ADGRA2: variants seen among roughly 807,000 people sequenced by gnomAD.
ADGRA2 encodes the protein adhesion G protein-coupled receptor A2, also known as G-protein coupled receptor 124.
A neutral mutation model predicts 98.7 loss-of-function variants in ADGRA2; 61 were observed. The observed-to-expected ratio is 0.62, with a 90% CI of 0.50 to 0.76. ADGRA2 has a LOEUF of 0.76. Ranked by LOEUF, ADGRA2 falls within the 30% of genes least tolerant of loss-of-function variation. ADGRA2 has a pLI of 0.00. For missense variants in ADGRA2, 1,712 were observed against 1,860.0 expected (o/e 0.92, Z 1.46); for synonymous variants, 858 against 831.5 (o/e 1.03, Z -0.55).
rs1330540586 is a variant in ADGRA2, at chr8:37,815,597, A to C, written c.338+630A>C. Among the ~76,000 whole-genome samples the C allele has an allele frequency of 2.0e-5, 3 of 152,252 alleles. No homozygotes were observed. In the East Asian group the frequency reaches 5.8e-4, roughly 29 times the overall value. ...GCATCTGGTGGGGCCAGTGTGGGGA[A>C]GAGGGTTATCGAGGAGGAGCTGGTG... On this transcript the variant is annotated intron_variant, in intron 2 of 18. Transcript: ENST00000412232.
At chr8:37,808,795 C>A (rs1255829141) in intron 1 of ADGRA2, among the ~76,000 whole-genome samples, 1 of 152,028 alleles carries the variant, frequency 6.6e-6, no homozygotes, top group African/African-American at 2.4e-5. Context: ...TCTAGAAAAA[C>A]TTTTTTCTTT....
chr8:37,837,838 G>A lies in ADGRA2; in HGVS notation c.2158G>A (p.Glu720Lys). 1 of 1,527,576 alleles carries A rather than the reference G, an allele frequency of 6.5e-7. No homozygotes were observed. The highest frequency in any genetic ancestry group is 2.0e-5 in the Admixed American group (1 of 49,014). 94.6% of individuals were successfully genotyped at this position (1,527,576 alleles called of 1,614,324 possible). ...AAWWSQEGPG[E>K]AGGWTSEGCQ... ...TTGGTGGAGCCAGGAGGGGCCCGGG[G>A]AGGCTGGGGGCTGGACCTCGGAGGG... is the stretch of plus-strand genomic sequence containing the variant. The change falls in exon 14 of 19, where the codon GAG (glutamate) becomes AAG (lysine). Residue 720 changes from glutamate to lysine, a missense_variant. Glu to Lys is a moderately conservative substitution (Grantham distance 56, BLOSUM62 1). Transcript: ENST00000412232.
Position 37,797,320 on chromosome 8 carries a change from C to G in ADGRA2, c.52C>G (p.Pro18Ala). The change falls in exon 1 of 19, where the codon CCG becomes GCG. Residue 18 changes from proline (P) to alanine (A), a missense_variant. Transcript: ENST00000412232. The surrounding 1 kb of genome is among the most constrained non-coding windows in gnomAD (Gnocchi z 5.3). Reference protein sequence around the residue: ...MRGAPARLLLPLLPWLLLLLA... With the variant: ...MRGAPARLLLALLPWLLLLLA... The stretch of plus-strand genomic sequence containing the variant: ...GGGGGCGCCCGCGCGCCTGCTGCTG[C>G]CGCTGCTGCCGTGGCTCCTGCTGCT... 1.5e-6 allele frequency: 2 copies of G among 1,331,908 alleles called. No individual in the cohort carries two copies. The highest frequency in any genetic ancestry group is 1.9e-6 in the Non-Finnish European group (2 of 1,048,502). The allele number at this position is 1,331,908 out of a possible 1,614,324, so 82.5% of individuals were successfully genotyped here.
chr8:37,819,890 C>T (rs866989079), intron 2 of ADGRA2, among the ~76,000 whole-genome samples: 2 of 151,900 alleles, frequency 1.3e-5, no homozygotes, highest in African/African-American at 4.8e-5. Flanking sequence ...AGGCTGGTCT[C>T]GAACTCCTGA....
intron 1 of ADGRA2, among the ~76,000 whole-genome samples, chr8:37,806,140 A>G (rs1394590467): frequency 1.3e-5 from 2 of 152,182 alleles, no homozygotes; most frequent in African/African-American, 2.4e-5. Context: ...GGGGACACAG[A>G]CACACACATA....
chr8:37,841,947 C>T lies in ADGRA2; in HGVS notation c.3609C>T (p.Ala1203=). 1 of 1,509,676 alleles carries T rather than the reference C, an allele frequency of 6.6e-7. No individual in the cohort carries two copies. The highest frequency in any genetic ancestry group is 8.8e-7 in the Non-Finnish European group (1 of 1,137,456). The allele number at this position is 1,509,676 out of a possible 1,614,324, so 93.5% of individuals were successfully genotyped here. A position where few individuals can be genotyped will look rare whatever the true frequency, so the allele number is the denominator to read the frequency against. The change falls in exon 19 of 19, where the codon GCC becomes GCT. Residue 1203 remains alanine (A), a synonymous_variant. Transcript: ENST00000412232. The surrounding 1 kb of genome is among the most constrained non-coding windows in gnomAD (Gnocchi z 5.0). The stretch of plus-strand genomic sequence containing the variant: ...CCTGCGGCAAGAACCGGCTCAAGGC[C>T]CTGCGCGGGGGCGCGGCGGGGGCGC... ...GEACGKNRLK[A]LRGGAAGALE...
chr8:37,811,474 CT>C (rs34759771), intron 1 of ADGRA2, among the ~76,000 whole-genome samples: 5,140 of 112,182 alleles, frequency 0.046, 254 homozygotes, highest in African/African-American at 0.16. Context: ...ACCCAGCCAA[CT>C]TTTTTTTTTT....
chr8:37,836,306 C>T (rs1180096121), intron 13 of ADGRA2, among the ~76,000 whole-genome samples: 1 of 152,180 alleles, frequency 6.6e-6, no homozygotes, highest in Admixed American at 6.5e-5. Context: ...GAGAAGCATC[C>T]TGAAAAGGCA....
At chr8:37,805,327 C>T (rs956244191) in intron 1 of ADGRA2, among the ~76,000 whole-genome samples, 8 of 152,212 alleles carry the variant, frequency 5.3e-5, no homozygotes, top group Non-Finnish European at 7.3e-5. Flanking sequence ...CAGCTTACAA[C>T]GCCGGACAGG....
chr8:37,815,670 C>T (rs1312994231), intron 2 of ADGRA2, among the ~76,000 whole-genome samples: 1 of 152,238 alleles, frequency 6.6e-6, no homozygotes, highest in East Asian at 1.9e-4. Context: ...CCTGCCCTCT[C>T]CTCATGGGGA....
intron 1 of ADGRA2, among the ~76,000 whole-genome samples, chr8:37,813,104 G>T (rs976210448): frequency 6.6e-6 from 1 of 152,110 alleles, no homozygotes; most frequent in Non-Finnish European, 1.5e-5. Context: ...ATGATGGCTC[G>T]TGCCTATAGT....
In ADGRA2 at chr8:37,809,430, C is replaced by T. The variant is rs950618851; in HGVS notation, c.267-5466C>T. On this transcript the variant is annotated intron_variant, in intron 1 of 18. Transcript: ENST00000412232. Reference sequence around the variant, plus strand: ...CAACTCAATGTCAATGGAGGCCCCTCTCTGGATAATCTAGGTCTAGAGTAA... The same window carrying T: ...CAACTCAATGTCAATGGAGGCCCCTTTCTGGATAATCTAGGTCTAGAGTAA... 3.3e-5 allele frequency among the ~76,000 whole-genome samples: 5 copies of T among 152,324 alleles called. 1 individual carries two copies. The Middle Eastern group carries it at 0.014, about 414-fold the overall frequency.
rs569104274 is a variant in ADGRA2 at position 37,833,560 on chromosome 8, G to A, written c.1297-128G>A. The A allele has an allele frequency of 3.8e-4, 362 of 941,878 alleles. 1 individual carries two copies. The East Asian group carries it at 8.8e-3, about 23-fold the overall frequency. 58.3% of individuals were successfully genotyped at this position (941,878 alleles called of 1,614,324 possible). On this transcript the variant is annotated intron_variant, in intron 9 of 18. Transcript: ENST00000412232. ...CTCCTCTGCCCTCCTAGCTTGATGA[G>A]ACCCAGAAGGTAGGCTGGACTCCTG...
chr8:37,821,282 A>G (rs1281853212), intron 2 of ADGRA2, among the ~76,000 whole-genome samples: 1 of 152,218 alleles, frequency 6.6e-6, no homozygotes, highest in East Asian at 1.9e-4. Flanking sequence ...TGTTACAGGA[A>G]CAGAGGAAGA....
intron 4 of ADGRA2, 75 bp from the exon 5 acceptor site, chr8:37,829,413 A>G: frequency 5.2e-6 from 8 of 1,530,780 alleles, no homozygotes; most frequent in Non-Finnish European, 5.4e-6. Flanking sequence ...CAACCCTTCC[A>G]CATCCCACCT....
At chr8:37,839,444 C>T in intron 15 of ADGRA2, 55 bp from the exon 16 acceptor site, 4 of 1,606,778 alleles carry the variant, frequency 2.5e-6, no homozygotes, top group Admixed American at 1.7e-5. Context: ...CCTTGAGACC[C>T]CATGGGCCTG....
chr8:37,840,244 C>G lies in ADGRA2; in HGVS notation c.2635C>G (p.Pro879Ala). 1 of 1,612,742 alleles carries G rather than the reference C, an allele frequency of 6.2e-7. No homozygotes were observed. Among genetic ancestry groups the G allele is most frequent in the Non-Finnish European group, 8.5e-7 (1 of 1,179,948 alleles). ...TCCGCAAGAAGGGGACCCCGCTCTG[C>G]CTACTCCCAGTCCTATGCTCCGGTA... ...PPPQEGDPAL[P>A]TPSPMLRFYL... Residue 879 changes from proline (P) to alanine (A), a missense_variant, in exon 17 of 19, where the codon CCT becomes GCT. Pro to Ala is a conservative substitution (Grantham distance 27). Coordinates refer to ENST00000412232, the MANE Select transcript of ADGRA2 (RefSeq NM_032777.10).
chr8:37,826,503 A>T (rs1339734325), intron 2 of ADGRA2, among the ~76,000 whole-genome samples: 1 of 152,142 alleles, frequency 6.6e-6, no homozygotes, highest in Non-Finnish European at 1.5e-5. Flanking sequence ...TCCTCTAGGG[A>T]ACTGGCCCCT....
chr8:37,819,271 C>T (rs113767951), intron 2 of ADGRA2, among the ~76,000 whole-genome samples: 13 of 152,240 alleles, frequency 8.5e-5, no homozygotes, highest in Admixed American at 3.3e-4. Flanking sequence ...AAGGGTGTGC[C>T]GTGGGCAGCA....
Sources: allele counts gnomAD v4.1 joint callset (sites outside exome capture counted in the v4.1 genomes callset), GRCh38; gene constraint gnomAD v4.1.1; non-coding constraint Gnocchi (gnomAD v3.1); transcripts MANE v1.5; gene names NCBI Gene and HGNC (gene_info 2026-07-23, HGNC 2026-07-21).